RBMS1: variants seen among roughly 807,000 people sequenced by gnomAD.
RBMS1 encodes the protein RNA-binding motif, single-stranded-interacting protein 1.
In RBMS1, 17 loss-of-function variants were observed where a neutral mutation model predicts 62.3. The ratio of observed to expected loss-of-function variants is 0.27; its 90% confidence interval spans 0.19 to 0.41. The LOEUF is 0.41. Ranked by LOEUF, RBMS1 falls within the 10% of genes least tolerant of loss-of-function variation. The probability of loss-of-function intolerance (pLI) is 1.00; values close to 1 mark genes in which losing one functional copy is unlikely to be tolerated. For missense variants in RBMS1, 334 were observed against 504.5 expected (o/e 0.66, Z 3.24); for synonymous variants, 172 against 170.0 (o/e 1.01, Z -0.09).
At chr2:160,324,905 T>TATATATATACAC (rs1553508414) in intron 2 of RBMS1, among the ~76,000 whole-genome samples, 14 of 118,692 alleles carry the variant, frequency 1.2e-4, no homozygotes, top group Non-Finnish European at 1.7e-5. Flanking sequence ...TATATATATA[T>TATATATATACAC]ATACACACAC....
rs148472709 is a variant in RBMS1 at position 160,354,933 on chromosome 2, T to G, written c.251+12283A>C. On this transcript the variant is annotated intron_variant, in intron 2 of 13. Coordinates refer to ENST00000348849, the MANE Select transcript of RBMS1 (RefSeq NM_016836.4). ...GGATTGTTTGTGCTGTGAGTCTACT[T>G]TCTCGCTAATTCTAGATACACCATT... 3.3e-5 allele frequency among the ~76,000 whole-genome samples: 5 copies of G among 152,238 alleles called. No homozygotes were observed. In the East Asian group the frequency reaches 9.7e-4, roughly 30 times the overall value.
chr2:160,408,713 A>G (rs1417344548), intron 1 of RBMS1: 1 of 152,190 alleles, frequency 6.6e-6, no homozygotes, highest in Non-Finnish European at 1.5e-5. Flanking sequence ...TTCCCGATGT[A>G]AATGACCTAC....
At chr2:160,383,456 G>C (rs997009925) in intron 1 of RBMS1, among the ~76,000 whole-genome samples, 11 of 148,344 alleles carry the variant, frequency 7.4e-5, no homozygotes, top group African/African-American at 1.7e-4. Flanking sequence ...CATGAATTGG[G>C]GGGGGGGGAA....
chr2:160,410,217 G>T (rs1414074948), intron 1 of RBMS1, among the ~76,000 whole-genome samples: 4 of 60,670 alleles, frequency 6.6e-5, no homozygotes, highest in Admixed American at 6.2e-4. Flanking sequence ...GTGAGACCCC[G>T]TCTCAAAAAA....
chr2:160,364,935 C>CT lies in RBMS1; in HGVS notation c.251+2280dup, dbSNP rs558209521. Among the ~76,000 whole-genome samples the CT allele has an allele frequency of 2.2e-3, 335 of 152,212 alleles. 1 individual carries two copies. The highest frequency in any genetic ancestry group is 7.8e-3 in the African/African-American group (323 of 41,536). ...ATTTTTAGTTCTAAGTATTTCTTTT[C>CT]TTTTTTAGAGGTATGGATTTATATC... On this transcript the variant is annotated intron_variant, in intron 2 of 13. Coordinates refer to ENST00000348849, the MANE Select transcript of RBMS1 (RefSeq NM_016836.4).
At chr2:160,348,398 G>C (rs1692303742) in intron 2 of RBMS1, among the ~76,000 whole-genome samples, 1 of 152,090 alleles carries the variant, frequency 6.6e-6, no homozygotes. Flanking sequence ...TATGTATGTA[G>C]CATGTATACA....
intron 1 of RBMS1, among the ~76,000 whole-genome samples, chr2:160,382,462 T>C (rs956171325): frequency 2.0e-5 from 3 of 152,210 alleles, no homozygotes; most frequent in African/African-American, 7.2e-5. Flanking sequence ...AGAATTATAA[T>C]TCAGAAAAAA....
At chr2:160,384,539 C>A (rs1471213932) in intron 1 of RBMS1, among the ~76,000 whole-genome samples, 2 of 152,100 alleles carry the variant, frequency 1.3e-5, no homozygotes. Flanking sequence ...GGCAGTACAG[C>A]AATTAGGAAT....
At chr2:160,351,420 G>C (rs888143943) in intron 2 of RBMS1, among the ~76,000 whole-genome samples, 26 of 151,978 alleles carry the variant, frequency 1.7e-4, no homozygotes, top group African/African-American at 5.6e-4. Flanking sequence ...GATTTATTAA[G>C]CAGGCAAAAT....
At chr2:160,485,197 G>C (rs1310509688) in intron 1 of RBMS1, among the ~76,000 whole-genome samples, 1 of 152,214 alleles carries the variant, frequency 6.6e-6, no homozygotes, top group Non-Finnish European at 1.5e-5. Context: ...TAGAAGTGAA[G>C]AGGGCTCTCA....
Position 160,423,757 on chromosome 2 carries a change from A to G in RBMS1, c.76-56366T>C, listed in dbSNP as rs1244484955. ...TCTTGGCTCTTCTCTTGGGATCTAG[A>G]CCCCTGGTTCAAACTTCCTTGAGGT... On this transcript the variant is annotated intron_variant, in intron 1 of 13. Coordinates refer to ENST00000348849, the MANE Select transcript of RBMS1 (RefSeq NM_016836.4). 2.0e-5 allele frequency among the ~76,000 whole-genome samples: 3 copies of G among 151,982 alleles called. No individual in the cohort carries two copies. The East Asian group carries it at 5.8e-4, about 29-fold the overall frequency.
In RBMS1 at chr2:160,490,171, G is replaced by A. The variant is rs1004825867; in HGVS notation, c.75+3118C>T. ...TTAAATTTAATATAATACAGCATAG[G>A]TCATTTTAAAATTGAGAAAATTATT... On this transcript the variant is annotated intron_variant, in intron 1 of 13. Coordinates refer to ENST00000348849, the MANE Select transcript of RBMS1 (RefSeq NM_016836.4). Among the ~76,000 whole-genome samples, 4 of 151,836 alleles carry A rather than the reference G, an allele frequency of 2.6e-5. No homozygotes were observed. In the South Asian group the frequency reaches 6.2e-4, roughly 24 times the overall value.
intron 1 of RBMS1, among the ~76,000 whole-genome samples, chr2:160,491,373 C>T (rs1032948301): frequency 8.5e-5 from 13 of 152,098 alleles, no homozygotes; most frequent in East Asian, 5.8e-4. Flanking sequence ...TGTCATTTAC[C>T]GCAACACAAA....
chr2:160,476,933 T>C (rs1275854449), intron 1 of RBMS1, among the ~76,000 whole-genome samples: 1 of 152,214 alleles, frequency 6.6e-6, no homozygotes, highest in Non-Finnish European at 1.5e-5. Context: ...GTTTATAAAG[T>C]ACGATATAAA....
At chr2:160,277,095 A>T (rs990130882) in intron 12 of RBMS1, among the ~76,000 whole-genome samples, 1 of 152,204 alleles carries the variant, frequency 6.6e-6, no homozygotes, top group Non-Finnish European at 1.5e-5. Context: ...TATGTTGCCC[A>T]GGCTGGTCTC....
intron 1 of RBMS1, among the ~76,000 whole-genome samples, chr2:160,465,641 G>C (rs1684655455): frequency 6.6e-6 from 1 of 152,166 alleles, no homozygotes; most frequent in Non-Finnish European, 1.5e-5. Context: ...CAGGAACCAA[G>C]CCGGAGGACT....
intron 1 of RBMS1, among the ~76,000 whole-genome samples, chr2:160,405,777 T>G (rs915470504): frequency 1.1e-4 from 16 of 152,100 alleles, no homozygotes; most frequent in African/African-American, 3.6e-4. Flanking sequence ...CTCCAGCCCC[T>G]CACAGCCAAA....
At chr2:160,483,136 A>G (rs763507865) in intron 1 of RBMS1, among the ~76,000 whole-genome samples, 29 of 152,046 alleles carry the variant, frequency 1.9e-4, no homozygotes, top group Admixed American at 3.9e-4. Flanking sequence ...CTAAACTTAA[A>G]GTCTGATAAA....
chr2:160,287,944 C>T (rs1438489268), intron 6 of RBMS1, among the ~76,000 whole-genome samples: 2 of 149,518 alleles, frequency 1.3e-5, no homozygotes, highest in Non-Finnish European at 3.0e-5. Flanking sequence ...TTACTATATA[C>T]CTATACATTT....
Sources: gnomAD v4.1 joint callset for allele counts (sites outside exome capture counted in the v4.1 genomes callset) on GRCh38, gnomAD v4.1.1 for gene constraint, MANE v1.5 for transcripts, NCBI Gene and HGNC (gene_info 2026-07-23, HGNC 2026-07-21) for gene names.